The following NLRP6 variants were observed in gnomAD, a reference collection of about 807,000 sequenced individuals.
NLRP6 encodes NACHT, LRR and PYD domains-containing protein 6.
In NLRP6, 55 loss-of-function variants were observed where a neutral mutation model predicts 70.9. That is an observed-to-expected ratio of 0.78 (90% confidence interval 0.62 to 0.97). NLRP6 has a LOEUF of 0.97. NLRP6 is among the 50% of genes least tolerant of loss of function. NLRP6 has a pLI of 0.00. For missense variants in NLRP6, 1,241 were observed against 1,238.3 expected, an observed-to-expected ratio of 1.00 and a Z score of -0.03; for synonymous variants, 652 against 581.9, an observed-to-expected ratio of 1.12 and a Z score of -1.73.
At position 280,262 on chromosome 11, in the gene NLRP6, C is replaced by T. The variant is rs1438236041; in HGVS notation, c.528C>T (p.Arg176=). Residue 176 remains arginine, a synonymous_variant, in exon 4 of 8, where the codon CGC becomes CGT. Coordinates refer to ENST00000534750, the MANE Select transcript of NLRP6 (RefSeq NM_001276700.2). ...AGCCTGAGCCGGGGCGCGCGCGGCG[C>T]TCGGACACGCACACTTTCAACCGCC... ...AEEPEPGRAR[R]SDTHTFNRLF... is the part of the protein sequence containing the mutation. The T allele has an allele frequency of 1.3e-6, 2 of 1,523,050 alleles. No individual in the cohort carries two copies. Among genetic ancestry groups the T allele is most frequent in the East Asian group, 2.5e-5 (1 of 40,072 alleles). The allele number at this position is 1,523,050 out of a possible 1,614,324, so 94.3% of individuals were successfully genotyped here.
chr11:282,651 C>A, intron 4 of NLRP6, 54 bp from the exon 5 acceptor site: 1 of 1,388,790 alleles, frequency 7.2e-7, no homozygotes, highest in Non-Finnish European at 1.0e-6. Context: ...GAGTCCTTTC[C>A]GGCAGGCACT....
Position 284,463 on chromosome 11 carries a change from G to GCCCT in NLRP6, c.2370-8_2370-5dup. 6.2e-7 allele frequency: 1 copy of GCCCT among 1,609,496 alleles called. No homozygotes were observed. Among genetic ancestry groups the GCCCT allele is most frequent in the East Asian group, 2.2e-5 (1 of 44,778 alleles). On this transcript the variant is annotated splice_polypyrimidine_tract_variant and intron_variant, in intron 6 of 7. Transcript: ENST00000534750. ...GCCACCCCAGCAGCTCCTGAGGTCG[G>GCCCT]CCCTCCCACAGGGTACAGCTGCCTG...
At position 280,379 on chromosome 11, in the gene NLRP6, CCTGTACGA is replaced by C. The variant is rs1444450176; in HGVS notation, c.649_656del (p.Tyr217GlyfsTer32). ...GCAAGACCATGGCGGCCAAAAAGAT[CCTGTACGA>C]CTGGGCGGCGGGCAAGCTGTACCAG... is the stretch of plus-strand genomic sequence containing the variant. On this transcript the variant is annotated frameshift_variant, in exon 4 of 8. Coordinates refer to ENST00000534750, the MANE Select transcript of NLRP6 (RefSeq NM_001276700.2). LOFTEE classifies it high-confidence loss of function. The C allele has an allele frequency of 6.4e-7, 1 of 1,552,392 alleles. No homozygotes were observed. Among genetic ancestry groups the C allele is most frequent in the African/African-American group, 1.4e-5 (1 of 72,800 alleles).
At chr11:284,441 AC>A (rs753847838) in intron 6 of NLRP6, 33 bp from the exon 7 acceptor site, 3 of 1,602,984 alleles carry the variant, frequency 1.9e-6, no homozygotes, top group Non-Finnish European at 1.7e-6. Flanking sequence ...TGCCCCCGCC[AC>A]CCCAGCAGCT....
rs1346648726 is a variant in NLRP6 at position 280,216 on chromosome 11, A to C, written c.482A>C (p.Glu161Ala). The C allele has an allele frequency of 1.2e-5, 18 of 1,545,620 alleles. No individual in the cohort carries two copies. Among genetic ancestry groups the C allele is most frequent in the Admixed American group, 2.0e-5 (1 of 50,472 alleles). Residue 161 changes from glutamate to alanine, a missense_variant, in exon 4 of 8, where the codon GAG (glutamate) becomes GCG (alanine). Physicochemically the swap from Glu to Ala is moderately radical, Grantham distance 107. Coordinates refer to ENST00000534750, the MANE Select transcript of NLRP6 (RefSeq NM_001276700.2). ...GCGCCCGAGAGCGCCGCCCCGGAGG[A>C]GGCGATGGGGCCCGCGGAAGAGCCT... ...LIAPESAAPE[E>A]AMGPAEEPEP... is the part of the protein sequence containing the mutation.
At chr11:284,668 TG>T (rs1182209929) in intron 7 of NLRP6, 26 bp downstream of exon 7, 3 of 1,582,340 alleles carry the variant, frequency 1.9e-6, no homozygotes, top group Non-Finnish European at 1.7e-6. Context: ...GGAAGGGTGC[TG>T]GGGACACAGC....
In NLRP6 at chr11:279,619, G is replaced by C. The variant is rs1356605811; in HGVS notation, c.310+12G>C. On this transcript the variant is annotated intron_variant, in intron 2 of 7. Coordinates refer to ENST00000534750, the MANE Select transcript of NLRP6 (RefSeq NM_001276700.2). ...GCGGCGGCTGCAGCGTGAGTTCTGC[G>C]CGGGAGGTCCCTCCTGTCTGGGCAG... is the stretch of plus-strand genomic sequence containing the variant. 4.4e-5 allele frequency: 61 copies of C among 1,393,364 alleles called. No homozygotes were observed. The highest frequency in any genetic ancestry group is 5.4e-5 in the Non-Finnish European group (58 of 1,078,532). The allele number at this position is 1,393,364 out of a possible 1,614,324, so 86.3% of individuals were successfully genotyped here.
In NLRP6 at chr11:278,445, GGACCC is replaced by G. The variant is rs1845419767; in HGVS notation, c.-123_-119del. 1.4e-6 allele frequency: 1 copy of G among 706,114 alleles called. No individual in the cohort carries two copies. The highest frequency in any genetic ancestry group is 2.3e-6 in the Non-Finnish European group (1 of 438,692). The allele number at this position is 706,114 out of a possible 1,614,324, so 43.7% of individuals were successfully genotyped here. ...TCGTGCCAGCTGAGCTGCGGTGTGT[GGACCC>G]GGGGAATGGACCGGGCTGGACAACC... On this transcript the variant is annotated 5_prime_UTR_variant, in exon 1 of 8. Coordinates refer to ENST00000534750, the MANE Select transcript of NLRP6 (RefSeq NM_001276700.2). This position sits in a 1 kb window ranked among gnomAD's most constrained non-coding sequence, Gnocchi z 4.7.
chr11:279,206 G>A, intron 1 of NLRP6, 121 bp from the exon 2 acceptor site: 3 of 871,466 alleles, frequency 3.4e-6, no homozygotes, highest in Middle Eastern at 4.0e-4. Context: ...GGATCCAGAC[G>A]ATGCTTGGCC....
rs1478605447 is a variant in NLRP6 at position 284,508 on chromosome 11, G to C, written c.2403G>C (p.Gln801His). The change falls in exon 7 of 8, where the codon CAG (glutamine) becomes CAC (histidine). Residue 801 changes from glutamine (Q) to histidine (H), a missense_variant. By Grantham distance (24) the Gln-to-His change is conservative. Transcript: ENST00000534750. ...VQLPDPQRGL[Q>H]YLVGMLRQSP... ...TGCCTGACCCCCAGCGAGGGCTCCA[G>C]TACCTGGTGGGTATGCTTCGGCAGA... is the stretch of plus-strand genomic sequence containing the variant. The C allele has an allele frequency of 6.2e-7, 1 of 1,612,942 alleles. No homozygotes were observed. Among genetic ancestry groups the C allele is most frequent in the Non-Finnish European group, 8.5e-7 (1 of 1,179,874 alleles).
rs371608783 is a variant in NLRP6 at position 284,230 on chromosome 11, G to C, written c.2199G>C (p.Thr733=). 6.2e-6 allele frequency: 10 copies of C among 1,612,948 alleles called. No individual in the cohort carries two copies. The African/African-American group carries it at 1.3e-4, about 22-fold the overall frequency. The change falls in exon 6 of 8, where the codon ACG becomes ACC. Residue 733 remains threonine, a splice_region_variant and synonymous_variant. Coordinates refer to ENST00000534750, the MANE Select transcript of NLRP6 (RefSeq NM_001276700.2). ...TDPLCHLSSL[T]LSHCKLPDAV... ...AAATCTCTGTGCTTCTTGACCACAG[G>C]CTGTCCCACTGCAAACTCCCTGACG...
At position 280,636 on chromosome 11, in the gene NLRP6, C is replaced by T. The variant is rs747097924; in HGVS notation, c.902C>T (p.Ala301Val). The T allele has an allele frequency of 2.0e-6, 3 of 1,502,294 alleles. No homozygotes were observed. The South Asian group carries it at 3.9e-5, about 19-fold the overall frequency. 93.1% of individuals were successfully genotyped at this position (1,502,294 alleles called of 1,614,324 possible). ...GCGCCCTGCACAGACCCCTTCGAGG[C>T]GGCGAGCGGCGCGCGGGTGCTAGGC... ...EAAPCTDPFE[A>V]ASGARVLGGL... The change falls in exon 4 of 8, where the codon GCG (alanine) becomes GTG (valine). Residue 301 changes from alanine (A) to valine (V), a missense_variant. By Grantham distance (64) the Ala-to-Val change is moderately conservative. Coordinates refer to ENST00000534750, the MANE Select transcript of NLRP6 (RefSeq NM_001276700.2).
chr11:278,911 C>CCGGGAT lies in NLRP6; in HGVS notation c.29+319_29+324dup. On this transcript the variant is annotated intron_variant, in intron 1 of 7. Transcript: ENST00000534750. The surrounding 1 kb of genome is among the most constrained non-coding windows in gnomAD (Gnocchi z 4.7). ...TGCTGCCAAAGAGGCCAGTTCTGCT[C>CCGGGAT]CGGGATCGGGAAGAGAGGGAAAAGA... 2.7e-6 allele frequency: 1 copy of CCGGGAT among 365,216 alleles called. No homozygotes were observed. The highest frequency in any genetic ancestry group is 4.2e-5 in the East Asian group (1 of 23,920). The allele number at this position is 365,216 out of a possible 1,614,324, so 22.6% of individuals were successfully genotyped here. A position where few individuals can be genotyped will look rare whatever the true frequency, so the allele number is the denominator to read the frequency against.
At position 281,352 on chromosome 11, in the gene NLRP6, T is replaced by G. The variant is rs1270300661; in HGVS notation, c.1618T>G (p.Leu540Val). Residue 540 changes from leucine (L) to valine (V), a missense_variant, in exon 4 of 8, where the codon TTG becomes GTG. Transcript: ENST00000534750. Reference protein sequence around the residue: ...LRGDAQPHSHLVLTTRFLFGL... With the variant: ...LRGDAQPHSHVVLTTRFLFGL... Reference sequence around the variant, plus strand: ...TGGGGACGCCCAGCCGCACAGCCACTTGGTGCTCACCACGCGCTTCCTCTT... The same window carrying G: ...TGGGGACGCCCAGCCGCACAGCCACGTGGTGCTCACCACGCGCTTCCTCTT... The G allele has an allele frequency of 6.2e-7, 1 of 1,611,200 alleles. No individual in the cohort carries two copies. The highest frequency in any genetic ancestry group is 1.7e-5 in the Admixed American group (1 of 59,740).
At position 284,502 on chromosome 11, in the gene NLRP6, G is replaced by T. The variant is rs2134011270; in HGVS notation, c.2397G>T (p.Gly799=). The change falls in exon 7 of 8, where the codon GGG becomes GGT. Residue 799 remains glycine (G), a synonymous_variant. Transcript: ENST00000534750. ...TACAGCTGCCTGACCCCCAGCGAGG[G>T]CTCCAGTACCTGGTGGGTATGCTTC... ...VRVQLPDPQR[G]LQYLVGMLRQ... 6.2e-7 allele frequency: 1 copy of T among 1,612,912 alleles called. No homozygotes were observed. Among genetic ancestry groups the T allele is most frequent in the South Asian group, 1.1e-5 (1 of 91,084 alleles).
chr11:279,431 G>T lies in NLRP6; in HGVS notation c.134G>T (p.Gly45Val). 7.2e-7 allele frequency: 1 copy of T among 1,385,942 alleles called. No homozygotes were observed. The allele number at this position is 1,385,942 out of a possible 1,614,324, so 85.9% of individuals were successfully genotyped here. ...KRFRHKLRDV[G>V]PDGRSIPWGR... is the part of the protein sequence containing the mutation. Reference sequence around the variant, plus strand: ...TTCCGCCACAAGCTGCGCGACGTGGGCCCGGACGGACGCAGCATCCCGTGG... The same window carrying T: ...TTCCGCCACAAGCTGCGCGACGTGGTCCCGGACGGACGCAGCATCCCGTGG... Residue 45 changes from glycine (G) to valine (V), a missense_variant, in exon 2 of 8, where the codon GGC (glycine) becomes GTC (valine). Gly to Val is a moderately radical substitution (Grantham distance 109). Transcript: ENST00000534750.
In NLRP6 at chr11:284,217, T is replaced by G. The variant is rs768436242; in HGVS notation, c.2199-13T>G. ...GGCGCCTGCAGGTAAATCTCTGTGC[T>G]TCTTGACCACAGGCTGTCCCACTGC... is the stretch of plus-strand genomic sequence containing the variant. On this transcript the variant is annotated splice_polypyrimidine_tract_variant and intron_variant, in intron 5 of 7. Coordinates refer to ENST00000534750, the MANE Select transcript of NLRP6 (RefSeq NM_001276700.2). 8 of 1,612,810 alleles carry G rather than the reference T, an allele frequency of 5.0e-6. No homozygotes were observed. The highest frequency in any genetic ancestry group is 6.8e-6 in the Non-Finnish European group (8 of 1,179,802).
At position 280,263 on chromosome 11, in the gene NLRP6, T is replaced by G; in HGVS notation, c.529T>G (p.Ser177Ala). ...GCCTGAGCCGGGGCGCGCGCGGCGC[T>G]CGGACACGCACACTTTCAACCGCCT... ...EEPEPGRARR[S>A]DTHTFNRLFR... The change falls in exon 4 of 8, where the codon TCG (serine) becomes GCG (alanine). Residue 177 changes from serine to alanine, a missense_variant. Physicochemically the swap from Ser to Ala is moderately conservative, Grantham distance 99. Coordinates refer to ENST00000534750, the MANE Select transcript of NLRP6 (RefSeq NM_001276700.2). 9.2e-6 allele frequency: 14 copies of G among 1,522,588 alleles called. No homozygotes were observed. The highest frequency in any genetic ancestry group is 1.2e-5 in the Non-Finnish European group (14 of 1,136,566). 94.3% of individuals were successfully genotyped at this position (1,522,588 alleles called of 1,614,324 possible).
At position 281,328 on chromosome 11, in the gene NLRP6, G is replaced by A; in HGVS notation, c.1594G>A (p.Gly532Arg). Residue 532 changes from glycine to arginine, a missense_variant, in exon 4 of 8, where the codon GGG (glycine) becomes AGG (arginine). Physicochemically the swap from Gly to Arg is moderately radical, Grantham distance 125. Transcript: ENST00000534750. ...TGGCGGCGTTGGGACACTCCTGCGT[G>A]GGGACGCCCAGCCGCACAGCCACTT... ...AAGGVGTLLRGDAQPHSHLVL... is the reference protein window; with the variant it reads ...AAGGVGTLLRRDAQPHSHLVL... 6.2e-7 allele frequency: 1 copy of A among 1,610,258 alleles called. No homozygotes were observed. The highest frequency in any genetic ancestry group is 8.5e-7 in the Non-Finnish European group (1 of 1,178,760).
Sources: gnomAD v4.1 joint callset for allele counts on GRCh38, gnomAD v4.1.1 for gene constraint, Gnocchi (gnomAD v3.1) non-coding constraint, MANE v1.5 for transcripts, NCBI Gene and HGNC (gene_info 2026-07-23, HGNC 2026-07-21) for gene names.